LUZP2: variants seen among roughly 807,000 people sequenced by gnomAD.
LUZP2 encodes the protein leucine zipper protein 2.
In LUZP2, 52 loss-of-function variants were observed where a neutral mutation model predicts 51.6. That is an observed-to-expected ratio of 1.01 (90% CI 0.81 to 1.27). The LOEUF (loss-of-function observed/expected upper bound fraction) is 1.27, where lower values mean the gene tolerates loss of function less well. Ranked by LOEUF, LUZP2 falls within the 50% of genes most tolerant of loss-of-function variation. The pLI, the probability that LUZP2 is intolerant of heterozygous loss-of-function variation, is 0.00. For synonymous variants in LUZP2, 154 were observed against 137.3 expected, an observed-to-expected ratio of 1.12 and a Z score of -0.85; for missense variants, 436 against 395.4, an observed-to-expected ratio of 1.10 and a Z score of -0.87.
At chr11:24,819,656 A>C (rs1044859569) in intron 5 of LUZP2, among the ~76,000 whole-genome samples, 2 of 152,124 alleles carry the variant, frequency 1.3e-5, no homozygotes, top group African/African-American at 4.8e-5. Context: ...TATGGTACAT[A>C]GTGTGATTCC....
intron 7 of LUZP2, among the ~76,000 whole-genome samples, chr11:24,943,575 T>C (rs1854816969): frequency 6.6e-6 from 1 of 152,136 alleles, no homozygotes; most frequent in Admixed American, 6.6e-5. Context: ...TTCTAACTTA[T>C]TTTGTCAATA....
intron 1 of LUZP2, among the ~76,000 whole-genome samples, chr11:24,577,320 T>C (rs1323254247): frequency 6.6e-6 from 1 of 152,142 alleles, no homozygotes; most frequent in African/African-American, 2.4e-5. Flanking sequence ...AACATTATTT[T>C]ATATATTTTA....
chr11:24,573,791 C>T (rs1040702577), intron 1 of LUZP2, among the ~76,000 whole-genome samples: 1 of 151,962 alleles, frequency 6.6e-6, no homozygotes, highest in Admixed American at 6.6e-5. Context: ...TTAAAAAGCA[C>T]ACAGATTACC....
chr11:24,863,937 T>C (rs540423568), intron 5 of LUZP2, among the ~76,000 whole-genome samples: 1 of 152,262 alleles, frequency 6.6e-6, no homozygotes, highest in African/African-American at 2.4e-5. Flanking sequence ...ATTGAACAAA[T>C]TGTAATTATA....
chr11:24,753,067 C>G (rs934759807), intron 4 of LUZP2, among the ~76,000 whole-genome samples: 1 of 151,916 alleles, frequency 6.6e-6, no homozygotes, highest in Admixed American at 6.6e-5. Context: ...ACTATATACT[C>G]GCAAACAAAA....
intron 7 of LUZP2, among the ~76,000 whole-genome samples, chr11:24,961,402 C>G (rs902950940): frequency 2.0e-5 from 3 of 152,154 alleles, no homozygotes; most frequent in South Asian, 2.1e-4. Flanking sequence ...GTAGGTCACT[C>G]AGGACTTGCT....
At chr11:24,648,588 G>C (rs187534452) in intron 1 of LUZP2, among the ~76,000 whole-genome samples, 35 of 151,970 alleles carry the variant, frequency 2.3e-4, no homozygotes, top group African/African-American at 8.2e-4. Flanking sequence ...AGAAACCAAA[G>C]TACAAATGGA....
At chr11:24,752,514 AC>A (rs1456260729) in intron 4 of LUZP2, among the ~76,000 whole-genome samples, 1 of 152,214 alleles carries the variant, frequency 6.6e-6, no homozygotes, top group African/African-American at 2.4e-5. Context: ...GTGAACAAAT[AC>A]CTTGGCCAAT....
chr11:24,849,479 A>G (rs776367005), intron 5 of LUZP2, among the ~76,000 whole-genome samples: 12 of 152,166 alleles, frequency 7.9e-5, no homozygotes, highest in Non-Finnish European at 1.6e-4. Flanking sequence ...GTATGGCTGC[A>G]TAGTATTCCA....
chr11:25,057,213 G>A (rs1302965447), intron 10 of LUZP2, among the ~76,000 whole-genome samples: 1 of 152,074 alleles, frequency 6.6e-6, no homozygotes, highest in Non-Finnish European at 1.5e-5. Context: ...AATACTCAAA[G>A]TCTCAAAATA....
At chr11:25,025,895 A>G (rs1857476048) in intron 9 of LUZP2, among the ~76,000 whole-genome samples, 4 of 152,136 alleles carry the variant, frequency 2.6e-5, no homozygotes, top group Admixed American at 1.3e-4. Flanking sequence ...AACCAACCCA[A>G]ATGTCCATCA....
chr11:24,788,240 A>G (rs1849304895), intron 5 of LUZP2, among the ~76,000 whole-genome samples: 1 of 119,740 alleles, frequency 8.4e-6, no homozygotes, highest in Non-Finnish European at 1.6e-5. Context: ...CCCAGGCTGG[A>G]GTGCAGTGGC....
chr11:24,523,969 T>A (rs1850722237), intron 1 of LUZP2, among the ~76,000 whole-genome samples: 1 of 151,812 alleles, frequency 6.6e-6, no homozygotes, highest in Non-Finnish European at 1.5e-5. Context: ...CTAAGGGCAG[T>A]GAAAAGTTGA....
At chr11:24,662,843 G>A (rs1361085325) in intron 1 of LUZP2, among the ~76,000 whole-genome samples, 1 of 152,046 alleles carries the variant, frequency 6.6e-6, no homozygotes, top group African/African-American at 2.4e-5. Context: ...TAATGCTGAA[G>A]TATATGCAGT....
intron 1 of LUZP2, among the ~76,000 whole-genome samples, chr11:24,574,709 T>A (rs187110768): frequency 2.8e-4 from 43 of 152,146 alleles, no homozygotes; most frequent in Non-Finnish European, 4.9e-4. Context: ...TTGGATAATA[T>A]GTGTTTGTTA....
intron 1 of LUZP2, among the ~76,000 whole-genome samples, chr11:24,587,884 A>G (rs2133835699): frequency 6.6e-6 from 1 of 152,178 alleles, no homozygotes; most frequent in African/African-American, 2.4e-5. Flanking sequence ...GGTAGGTTTC[A>G]AAATGTTCCA....
At chr11:24,784,529 T>A (rs896393094) in intron 5 of LUZP2, among the ~76,000 whole-genome samples, 1 of 152,004 alleles carries the variant, frequency 6.6e-6, no homozygotes, top group Non-Finnish European at 1.5e-5. Flanking sequence ...CTATTTCTTT[T>A]CAAAAACAAG....
chr11:24,955,149 C>T lies in LUZP2; in HGVS notation c.523-21442C>T, dbSNP rs933904608. ...TCTGAGACTTCCCAAATGGAACGCC[C>T]GTATAATTTTGTTGTCTCACTATTT... On this transcript the variant is annotated intron_variant, in intron 7 of 11. Coordinates refer to ENST00000336930, the MANE Select transcript of LUZP2 (RefSeq NM_001009909.4). Among the ~76,000 whole-genome samples the T allele has an allele frequency of 5.3e-5, 8 of 151,862 alleles. No homozygotes were observed. In the South Asian group the frequency reaches 1.2e-3, roughly 24 times the overall value.
chr11:25,057,113 T>A, intron 10 of LUZP2, among the ~76,000 whole-genome samples: 1 of 152,090 alleles, frequency 6.6e-6, no homozygotes. Flanking sequence ...TTATGATTAT[T>A]ATATAAATAT....
Sources: allele counts gnomAD v4.1 joint callset (sites outside exome capture counted in the v4.1 genomes callset), GRCh38; gene constraint gnomAD v4.1.1; transcripts MANE v1.5; gene names NCBI Gene and HGNC (gene_info 2026-07-23, HGNC 2026-07-21).